The following P2RX7 variants were observed in gnomAD, a reference collection of about 807,000 sequenced individuals.
P2RX7 encodes purinergic receptor P2X 7.
Under a neutral mutation model 71.6 loss-of-function variants are expected in P2RX7, and 62 were observed. The observed-to-expected ratio is 0.87, with a 90% CI of 0.71 to 1.07. The LOEUF (loss-of-function observed/expected upper bound fraction) is 1.07. Ranked by LOEUF, P2RX7 falls within the 50% of genes least tolerant of loss-of-function variation. The probability of loss-of-function intolerance (pLI) is 0.00; values close to 1 mark genes in which losing one functional copy is unlikely to be tolerated. For synonymous variants in P2RX7, 299 were observed against 283.3 expected, an observed-to-expected ratio of 1.06 and a Z score of -0.56; for missense variants, 686 against 748.5, an observed-to-expected ratio of 0.92 and a Z score of 0.97.
rs371787632 is a variant in P2RX7, at chr12:121,184,288, G to A, written c.1291-17G>A. The A allele has an allele frequency of 2.3e-5, 36 of 1,573,788 alleles. No homozygotes were observed. The highest frequency in any genetic ancestry group is 1.7e-4 in the Middle Eastern group (1 of 5,916). On this transcript the variant is annotated splice_polypyrimidine_tract_variant and intron_variant, in intron 12 of 12. Coordinates refer to ENST00000328963, the MANE Select transcript of P2RX7 (RefSeq NM_002562.6). ...GGGCTTGTCATGGCTAATAGGTTTG[G>A]AAACTTGCTTTTTCAGAGACCTGCG...
chr12:121,181,931 G>T (rs1217471701), intron 12 of P2RX7, among the ~76,000 whole-genome samples: 2 of 152,028 alleles, frequency 1.3e-5, no homozygotes, highest in African/African-American at 2.4e-5. Flanking sequence ...AGGCGTGGTG[G>T]TGCACACCTG....
chr12:121,151,798 C>A (rs1405941871), intron 1 of P2RX7, among the ~76,000 whole-genome samples: 2 of 151,956 alleles, frequency 1.3e-5, no homozygotes, highest in East Asian at 3.9e-4. Context: ...CCCACTCTGT[C>A]CCCTGCAACG....
At chr12:121,157,198 G>C (rs1267337752) in intron 3 of P2RX7, among the ~76,000 whole-genome samples, 1 of 152,118 alleles carries the variant, frequency 6.6e-6, no homozygotes, top group Non-Finnish European at 1.5e-5. Flanking sequence ...CGTTGCAGCA[G>C]CGCTGGTGAT....
intron 1 of P2RX7, chr12:121,148,910 A>G (rs149429063): frequency 1.8e-4 from 64 of 358,684 alleles, no homozygotes; most frequent in African/African-American, 1.2e-3. Flanking sequence ...GTCCATGAAG[A>G]TGTTTGTTGG....
intron 12 of P2RX7, among the ~76,000 whole-genome samples, chr12:121,183,590 TACACAC>T (rs71079032): frequency 8.5e-6 from 1 of 117,590 alleles, no homozygotes; most frequent in Non-Finnish European, 1.8e-5. Flanking sequence ...AAACAACAAA[TACACAC>T]ACACACACAC....
At chr12:121,177,885 A>AT (rs1400356110) in intron 11 of P2RX7, among the ~76,000 whole-genome samples, 1 of 151,758 alleles carries the variant, frequency 6.6e-6, no homozygotes, top group African/African-American at 2.4e-5. Flanking sequence ...CACCTGGCTA[A>AT]TTTTTGTATT....
At chr12:121,172,362 G>C (rs1286569321) in intron 8 of P2RX7, among the ~76,000 whole-genome samples, 1 of 152,236 alleles carries the variant, frequency 6.6e-6, no homozygotes, top group Non-Finnish European at 1.5e-5. Flanking sequence ...GGGCACGTTG[G>C]CTCATGCCTA....
chr12:121,156,380 A>T lies in P2RX7; in HGVS notation c.363+233A>T, dbSNP rs144502462. Among the ~76,000 whole-genome samples, 328 of 152,332 alleles carry T rather than the reference A, an allele frequency of 2.2e-3. 6 individuals are homozygous for T. Among genetic ancestry groups the T allele is most frequent in the African/African-American group, 7.2e-3 (298 of 41,576 alleles). ...TCTGCCTGCCTCGGTCTCTGGTTCT[A>T]GCACTAGGGACCCGTGCAGACGGCA... On this transcript the variant is annotated intron_variant, in intron 3 of 12. Coordinates refer to ENST00000328963, the MANE Select transcript of P2RX7 (RefSeq NM_002562.6).
intron 8 of P2RX7, among the ~76,000 whole-genome samples, chr12:121,170,762 A>G (rs940939461): frequency 2.6e-5 from 4 of 152,190 alleles, no homozygotes; most frequent in Non-Finnish European, 5.9e-5. Flanking sequence ...CGACAGAGCA[A>G]AGCTCTGTCT....
chr12:121,185,059 T>A lies in P2RX7; in HGVS notation c.*257T>A. 2.9e-6 allele frequency: 1 copy of A among 342,244 alleles called. No individual in the cohort carries two copies. Among genetic ancestry groups the A allele is most frequent in the African/African-American group, 2.1e-5 (1 of 46,664 alleles). The allele number at this position is 342,244 out of a possible 1,614,324, so 21.2% of individuals were successfully genotyped here. A position where few individuals can be genotyped will look rare whatever the true frequency, so the allele number is the denominator to read the frequency against. On this transcript the variant is annotated 3_prime_UTR_variant, in exon 13 of 13. Transcript: ENST00000328963. ...CAGATTGTGCCACTGCTCTCCAGCC[T>A]GGGAGGCACAGCAAACTGTCCCCCA... is the stretch of plus-strand genomic sequence containing the variant.
chr12:121,167,159 T>A (rs1053296048), intron 7 of P2RX7, among the ~76,000 whole-genome samples: 1 of 151,978 alleles, frequency 6.6e-6, no homozygotes, highest in East Asian at 1.9e-4. Flanking sequence ...TGCCCTGAAT[T>A]CCAGTCTAAT....
intron 1 of P2RX7, among the ~76,000 whole-genome samples, chr12:121,143,914 G>A (rs151034648): frequency 1.3e-3 from 195 of 152,172 alleles, no homozygotes; most frequent in African/African-American, 4.3e-3. Context: ...GAAAATCACC[G>A]GTTTTAAATA....
chr12:121,134,249 T>C (rs940599444), intron 1 of P2RX7, among the ~76,000 whole-genome samples: 1 of 152,204 alleles, frequency 6.6e-6, no homozygotes. Flanking sequence ...GTTAACTATG[T>C]TTCACCTTTG....
intron 12 of P2RX7, among the ~76,000 whole-genome samples, chr12:121,180,827 G>T (rs1020387142): frequency 6.6e-6 from 1 of 152,056 alleles, no homozygotes; most frequent in Non-Finnish European, 1.5e-5. Context: ...GCCGGGTGGT[G>T]TGGTGGCACA....
chr12:121,173,824 G>A (rs917432050), intron 8 of P2RX7, among the ~76,000 whole-genome samples: 1 of 152,126 alleles, frequency 6.6e-6, no homozygotes, highest in Non-Finnish European at 1.5e-5. Flanking sequence ...ATTGGTTGGA[G>A]GGTTTGTAAT....
At chr12:121,175,888 G>A (rs1351014228) in intron 9 of P2RX7, among the ~76,000 whole-genome samples, 1 of 152,054 alleles carries the variant, frequency 6.6e-6, no homozygotes, top group Admixed American at 6.6e-5. Context: ...GTTGGATCCA[G>A]GTGTTCAAAC....
chr12:121,162,463 A>G lies in P2RX7; in HGVS notation c.476A>G (p.Gln159Arg). The G allele has an allele frequency of 6.2e-7, 1 of 1,614,004 alleles. No homozygotes were observed. Among genetic ancestry groups the G allele is most frequent in the Non-Finnish European group, 8.5e-7 (1 of 1,180,000 alleles). The stretch of plus-strand genomic sequence containing the variant: ...AGGTGTGTAGTGTATGAAGGGAACC[A>G]GAAGACCTGTGAAGTCTCTGCCTGG... ...TGRCVVYEGN[Q>R]KTCEVSAWCP... Residue 159 changes from glutamine (Q) to arginine (R), a missense_variant, in exon 5 of 13, where the codon CAG (glutamine) becomes CGG (arginine). Gln to Arg is a conservative substitution (Grantham distance 43). Coordinates refer to ENST00000328963, the MANE Select transcript of P2RX7 (RefSeq NM_002562.6).
intron 5 of P2RX7, among the ~76,000 whole-genome samples, chr12:121,163,358 GCACA>G (rs1352653146): frequency 8.0e-5 from 8 of 100,430 alleles, no homozygotes; most frequent in South Asian, 2.7e-4. Flanking sequence ...ACACACACAC[GCACA>G]CACACACACA....
At chr12:121,140,523 G>A (rs1321253071) in intron 1 of P2RX7, among the ~76,000 whole-genome samples, 2 of 152,146 alleles carry the variant, frequency 1.3e-5, no homozygotes, top group Admixed American at 6.5e-5. Flanking sequence ...ATGGGCTGGC[G>A]GAGCTGGAGA....
Sources: allele counts gnomAD v4.1 joint callset (sites outside exome capture counted in the v4.1 genomes callset), GRCh38; gene constraint gnomAD v4.1.1; transcripts MANE v1.5; gene names NCBI Gene and HGNC (gene_info 2026-07-23, HGNC 2026-07-21).